Variants in CALN1 observed in about 807,000 individuals in gnomAD.
CALN1 encodes calcium-binding protein 8.
In CALN1, 17 loss-of-function variants were observed where a neutral mutation model predicts 30.6. The ratio of observed to expected loss-of-function variants is 0.56; its 90% CI spans 0.38 to 0.83. The LOEUF is 0.83. CALN1 is among the 40% of genes least tolerant of loss of function. The pLI is 0.00. For synonymous variants in CALN1, 156 were observed against 131.4 expected, an observed-to-expected ratio of 1.19 and a Z score of -1.28; for missense variants, 291 against 354.9, an observed-to-expected ratio of 0.82 and a Z score of 1.45.
rs1380218325 is a variant in CALN1 at position 71,787,632 on chromosome 7, C to T, written c.*143G>A. 9 of 1,223,276 alleles carry T rather than the reference C, an allele frequency of 7.4e-6. No homozygotes were observed. Among genetic ancestry groups the T allele is most frequent in the South Asian group, 1.6e-5 (1 of 63,264 alleles). The allele number at this position is 1,223,276 out of a possible 1,614,324, so 75.8% of individuals were successfully genotyped here. A position where few individuals can be genotyped will look rare whatever the true frequency, so the allele number is the denominator to read the frequency against. ...GAAGTGCAACCCCAGTTGCACTCAA[C>T]CTTGGGTTCTTTACTGAACGGTTCC... On this transcript the variant is annotated 3_prime_UTR_variant, in exon 7 of 7. Transcript: ENST00000395275.
In CALN1 at chr7:72,314,364, T is replaced by C. The variant is rs28736327; in HGVS notation, c.120-35554A>G. Among the ~76,000 whole-genome samples the C allele has an allele frequency of 6.4e-3, 750 of 116,848 alleles. 7 individuals carry two copies. Among genetic ancestry groups the C allele is most frequent in the African/African-American group, 0.034 (685 of 19,992 alleles). 76.7% of individuals were successfully genotyped at this position (116,848 alleles called of 152,430 possible). A position where few individuals can be genotyped will look rare whatever the true frequency, so the allele number is the denominator to read the frequency against. Reference sequence around the variant, plus strand: ...ATATATATATACATATATATACATATACATATATACACATATATACACATA... The same window carrying C: ...ATATATATATACATATATATACATACACATATATACACATATATACACATA... On this transcript the variant is annotated intron_variant, in intron 2 of 6. Coordinates refer to ENST00000395275, the MANE Select transcript of CALN1 (RefSeq NM_031468.4).
intron 3 of CALN1, among the ~76,000 whole-genome samples, chr7:72,162,398 T>C (rs1265665926): frequency 1.3e-5 from 2 of 151,884 alleles, no homozygotes; most frequent in African/African-American, 4.8e-5. Flanking sequence ...CAAAAGCAGA[T>C]AGAAAGTGAA....
At chr7:71,937,344 G>T (rs78089755) in intron 5 of CALN1, among the ~76,000 whole-genome samples, 1 of 151,112 alleles carries the variant, frequency 6.6e-6, no homozygotes, top group Admixed American at 6.6e-5. Flanking sequence ...AACCCCATAC[G>T]TATTTATATG....
At chr7:71,963,693 T>C (rs1797383029) in intron 5 of CALN1, among the ~76,000 whole-genome samples, 2 of 152,172 alleles carry the variant, frequency 1.3e-5, no homozygotes, top group South Asian at 4.1e-4. Flanking sequence ...GGTCACCACT[T>C]TATATGTTTT....
chr7:72,425,943 G>A (rs1003046919), intron 1 of CALN1, among the ~76,000 whole-genome samples: 1 of 152,156 alleles, frequency 6.6e-6, no homozygotes, highest in Non-Finnish European at 1.5e-5. Flanking sequence ...GGGTGCCCTC[G>A]GAGGGAGCCG....
chr7:72,185,106 A>C (rs1319288149), intron 3 of CALN1, among the ~76,000 whole-genome samples: 1 of 152,026 alleles, frequency 6.6e-6, no homozygotes, highest in Non-Finnish European at 1.5e-5. Context: ...CACCCAGCTT[A>C]GGCATCTCTG....
chr7:72,453,135 T>C, the CALN1 span, among the ~76,000 whole-genome samples: 3 of 152,198 alleles, frequency 2.0e-5, no homozygotes, highest in Non-Finnish European at 4.4e-5. Flanking sequence ...GTGGTAGTAG[T>C]AATGCAGGGC....
At chr7:72,120,820 C>A (rs533162722) in intron 3 of CALN1, among the ~76,000 whole-genome samples, 1 of 152,050 alleles carries the variant, frequency 6.6e-6, no homozygotes, top group Non-Finnish European at 1.5e-5. Flanking sequence ...AAAAGGCCTG[C>A]AGGGTGATCG....
intron 2 of CALN1, among the ~76,000 whole-genome samples, chr7:72,388,017 T>C (rs1239994501): frequency 6.6e-6 from 1 of 152,186 alleles, no homozygotes; most frequent in Non-Finnish European, 1.5e-5. Context: ...AAAGAGTTAC[T>C]AGGTTGGTGC....
At chr7:72,135,695 G>A (rs1809461898) in intron 3 of CALN1, among the ~76,000 whole-genome samples, 1 of 152,176 alleles carries the variant, frequency 6.6e-6, no homozygotes, top group Non-Finnish European at 1.5e-5. Flanking sequence ...TTTGGGGGAT[G>A]GTAAATGAAC....
At chr7:72,014,384 G>A (rs949991213) in intron 5 of CALN1, among the ~76,000 whole-genome samples, 2 of 152,114 alleles carry the variant, frequency 1.3e-5, no homozygotes, top group Non-Finnish European at 2.9e-5. Context: ...ACTGCAACCA[G>A]CTGAGTTTGC....
intron 4 of CALN1, among the ~76,000 whole-genome samples, chr7:72,037,602 G>T (rs1333477812): frequency 6.6e-6 from 1 of 152,190 alleles, no homozygotes; most frequent in East Asian, 1.9e-4. Flanking sequence ...AATCATCAGT[G>T]ACCAGAACAC....
At position 71,978,262 on chromosome 7, in the gene CALN1, C is replaced by CTTTTTTTT. The variant is rs1010635078; in HGVS notation, c.501+45387_501+45394dup. Among the ~76,000 whole-genome samples the CTTTTTTTT allele has an allele frequency of 2.6e-3, 193 of 72,932 alleles. 27 individuals carry two copies. In the East Asian group the frequency reaches 0.069, roughly 26 times the overall value. The allele number at this position is 72,932 out of a possible 152,430, so 47.8% of individuals were successfully genotyped here. ...AAAAACTCAGGGACTCTAGAGAATT[C>CTTTTTTTT]TTTTTTTTTTTTTTTTTTTTTTTTT... On this transcript the variant is annotated intron_variant, in intron 5 of 6. Transcript: ENST00000395275.
chr7:72,000,932 C>G (rs186244614), intron 5 of CALN1, among the ~76,000 whole-genome samples: 3 of 152,220 alleles, frequency 2.0e-5, no homozygotes, highest in African/African-American at 7.2e-5. Flanking sequence ...AGGTGATGGG[C>G]AGGTAGTTGT....
rs547455749 is a variant in CALN1, at chr7:72,430,012, G to A, written c.-226+17030C>T. 1.7e-3 allele frequency among the ~76,000 whole-genome samples: 255 copies of A among 150,836 alleles called. 1 individual carries two copies. The highest frequency in any genetic ancestry group is 2.5e-3 in the Non-Finnish European group (170 of 67,756). ...TTCTTTGTCCTTTTAGTAGAGACAG[G>A]GTTTCACCTTGTTGGCCAGGCTGGT... is the stretch of plus-strand genomic sequence containing the variant. On this transcript the variant is annotated intron_variant, in intron 1 of 6. Coordinates refer to the CALN1 transcript ENST00000395276.
chr7:72,215,928 T>A (rs1792771245), intron 3 of CALN1, among the ~76,000 whole-genome samples: 1 of 152,060 alleles, frequency 6.6e-6, no homozygotes, highest in Admixed American at 6.6e-5. Flanking sequence ...GCTGCAGAGG[T>A]AAGCATGGGT....
intron 5 of CALN1, among the ~76,000 whole-genome samples, chr7:71,936,662 C>T (rs1046057907): frequency 2.6e-5 from 4 of 152,108 alleles, no homozygotes; most frequent in African/African-American, 9.7e-5. Flanking sequence ...TTCCCCAACC[C>T]CTGTTATCTA....
At chr7:72,090,450 G>A (rs844723) in intron 4 of CALN1, among the ~76,000 whole-genome samples, 112,218 of 151,638 alleles carry the variant, frequency 0.74, 41,851 homozygotes, top group East Asian at 1. Context: ...CATCAAAACC[G>A]TCTATTAAAA....
chr7:71,972,173 T>G (rs1027098546), intron 5 of CALN1, among the ~76,000 whole-genome samples: 1 of 152,040 alleles, frequency 6.6e-6, no homozygotes, highest in South Asian at 2.1e-4. Context: ...ATGTTTAAAT[T>G]TGCATCTCTC....
Sources: allele counts gnomAD v4.1 joint callset (sites outside exome capture counted in the v4.1 genomes callset), GRCh38; gene constraint gnomAD v4.1.1; transcripts MANE v1.5; gene names NCBI Gene and HGNC (gene_info 2026-07-23, HGNC 2026-07-21).